Variants in MYO3A observed in about 807,000 individuals in gnomAD.
MYO3A encodes the protein myosin-IIIa.
MYO3A carries 180 observed loss-of-function variants against 192.7 expected under a neutral mutation model. The ratio of observed to expected loss-of-function variants is 0.93; its 90% CI spans 0.83 to 1.06. The LOEUF is 1.06. Ranked by LOEUF, MYO3A falls within the 50% of genes least tolerant of loss-of-function variation. MYO3A has a pLI of 0.00. For missense variants in MYO3A, 1,896 were observed against 1,905.0 expected (o/e 1.00, Z 0.09); for synonymous variants, 628 against 645.3 (o/e 0.97, Z 0.41).
intron 14 of MYO3A, among the ~76,000 whole-genome samples, chr10:26,072,292 T>C (rs915322360): frequency 6.6e-6 from 1 of 151,990 alleles, no homozygotes; most frequent in Non-Finnish European, 1.5e-5. Context: ...CATATCAATA[T>C]GTGTTACCAA....
At chr10:26,010,179 A>G (rs896626737) in intron 6 of MYO3A, among the ~76,000 whole-genome samples, 32 of 151,862 alleles carry the variant, frequency 2.1e-4, no homozygotes, top group African/African-American at 7.3e-4. Flanking sequence ...TTTTAAAGAA[A>G]GGAAAAGATC....
At chr10:26,201,368 T>C in intron 33 of MYO3A, 63 bp downstream of exon 33, 1 of 1,287,888 alleles carries the variant, frequency 7.8e-7, no homozygotes, top group Non-Finnish European at 1.1e-6. Flanking sequence ...AATCCATGTG[T>C]TCAAATTATG....
At chr10:26,162,609 T>G (rs1225889056) in intron 26 of MYO3A, among the ~76,000 whole-genome samples, 1 of 152,210 alleles carries the variant, frequency 6.6e-6, no homozygotes, top group Non-Finnish European at 1.5e-5. Context: ...AATTTCATGG[T>G]TTTTTACAAG....
At chr10:26,074,386 C>A (rs1835399118) in intron 14 of MYO3A, among the ~76,000 whole-genome samples, 1 of 151,750 alleles carries the variant, frequency 6.6e-6, no homozygotes, top group African/African-American at 2.4e-5. Flanking sequence ...ATTCAGTTAT[C>A]CCAATACCAC....
At chr10:25,960,267 T>C (rs972933180) in intron 4 of MYO3A, among the ~76,000 whole-genome samples, 7 of 152,150 alleles carry the variant, frequency 4.6e-5, no homozygotes, top group African/African-American at 1.7e-4. Context: ...CCTTTCAAAA[T>C]GTATAATAGT....
chr10:25,991,926 A>G (rs144639194), intron 4 of MYO3A, among the ~76,000 whole-genome samples: 80 of 152,218 alleles, frequency 5.3e-4, no homozygotes, highest in African/African-American at 1.9e-3. Context: ...CCCTTGTAGT[A>G]TAGTTTGAAG....
intron 10 of MYO3A, among the ~76,000 whole-genome samples, chr10:26,036,036 C>T (rs1258005759): frequency 6.6e-6 from 1 of 152,034 alleles, no homozygotes; most frequent in Non-Finnish European, 1.5e-5. Context: ...CGGGTTCACA[C>T]CATTCTCCTG....
At chr10:26,178,927 T>G (rs1173679757) in intron 31 of MYO3A, among the ~76,000 whole-genome samples, 12 of 147,490 alleles carry the variant, frequency 8.1e-5, no homozygotes, top group Non-Finnish European at 1.0e-4. Context: ...TCAGCCTCCC[T>G]AGTAGCTGGG....
intron 2 of MYO3A, among the ~76,000 whole-genome samples, chr10:25,947,316 T>C (rs770876196): frequency 6.6e-6 from 1 of 151,816 alleles, no homozygotes; most frequent in African/African-American, 2.4e-5. Context: ...TTATTATAGA[T>C]ACTTTCACAT....
chr10:26,088,624 C>A (rs1244353986), intron 15 of MYO3A, among the ~76,000 whole-genome samples: 1 of 152,106 alleles, frequency 6.6e-6, no homozygotes, highest in East Asian at 1.9e-4. Context: ...ATTTATGCTG[C>A]CAGATAGAAA....
chr10:26,141,666 T>A (rs978836898), intron 20 of MYO3A, among the ~76,000 whole-genome samples: 1 of 152,188 alleles, frequency 6.6e-6, no homozygotes, highest in Admixed American at 6.6e-5. Context: ...GCATGATGTG[T>A]CTAACAGTAA....
At chr10:26,015,609 T>C (rs751238176) in intron 6 of MYO3A, among the ~76,000 whole-genome samples, 5 of 152,220 alleles carry the variant, frequency 3.3e-5, no homozygotes, top group Non-Finnish European at 7.3e-5. Flanking sequence ...TTAAGTTATC[T>C]TCTAGCTGTG....
At chr10:26,085,385 A>G (rs1350457823) in intron 14 of MYO3A, among the ~76,000 whole-genome samples, 1 of 151,978 alleles carries the variant, frequency 6.6e-6, no homozygotes, top group Non-Finnish European at 1.5e-5. Context: ...TAATGTAGGA[A>G]TTTATTGCTA....
chr10:26,126,007 A>G (rs906776923), intron 19 of MYO3A, among the ~76,000 whole-genome samples: 8 of 152,230 alleles, frequency 5.3e-5, no homozygotes, highest in African/African-American at 1.9e-4. Context: ...AACTTTGAAG[A>G]TAAAGGAAAA....
chr10:26,134,862 T>A (rs1001576862), intron 20 of MYO3A, among the ~76,000 whole-genome samples: 3 of 152,170 alleles, frequency 2.0e-5, no homozygotes, highest in Non-Finnish European at 4.4e-5. Flanking sequence ...AATGTTTTCA[T>A]GAATAGGCAC....
intron 20 of MYO3A, among the ~76,000 whole-genome samples, chr10:26,140,351 A>G (rs1389971850): frequency 6.6e-6 from 1 of 152,176 alleles, no homozygotes; most frequent in Non-Finnish European, 1.5e-5. Context: ...CTTTCCTGCC[A>G]CTGTGCTGCT....
intron 28 of MYO3A, 26 bp from the exon 29 acceptor site, chr10:26,170,390 A>C (rs540403871): frequency 6.2e-7 from 1 of 1,610,872 alleles, no homozygotes; most frequent in African/African-American, 1.3e-5. Flanking sequence ...TATAATTAAC[A>C]CTACTATGGG....
intron 23 of MYO3A, 23 bp downstream of exon 23, chr10:26,147,582 G>C: frequency 6.2e-7 from 1 of 1,613,612 alleles, no homozygotes; most frequent in Non-Finnish European, 8.5e-7. Context: ...TCCTTACCTG[G>C]AAGTTTTCTG....
chr10:26,102,330 C>G (rs141855833), intron 17 of MYO3A, among the ~76,000 whole-genome samples: 249 of 152,214 alleles, frequency 1.6e-3, no homozygotes, highest in African/African-American at 5.9e-3. Flanking sequence ...AGCTTCTTTG[C>G]AGTTCAAACA....
Sources: gnomAD v4.1 joint callset for allele counts (sites outside exome capture counted in the v4.1 genomes callset) on GRCh38, gnomAD v4.1.1 for gene constraint, MANE v1.5 for transcripts, NCBI Gene and HGNC (gene_info 2026-07-23, HGNC 2026-07-21) for gene names.